ALK: variants seen among roughly 807,000 people sequenced by gnomAD.
The protein encoded by ALK is ALK tyrosine kinase receptor.
A neutral mutation model predicts 163.1 loss-of-function variants in ALK; 74 were observed. That is an observed-to-expected ratio of 0.45 (90% confidence interval 0.38 to 0.55). ALK has a LOEUF of 0.55. Ranked by LOEUF, ALK falls within the 20% of genes least tolerant of loss-of-function variation. The pLI, the probability that ALK is intolerant of heterozygous loss-of-function variation, is 0.00. For synonymous variants in ALK, 960 were observed against 843.2 expected (o/e 1.14, Z -2.40); for missense variants, 2,063 against 2,105.3 (o/e 0.98, Z 0.39).
chr2:29,457,375 G>A lies in ALK; in HGVS notation c.1155-73516C>T, dbSNP rs114198332. Among the ~76,000 whole-genome samples, 1,190 of 152,244 alleles carry A rather than the reference G, an allele frequency of 7.8e-3. 13 individuals carry two copies. Among genetic ancestry groups the A allele is most frequent in the African/African-American group, 0.027 (1,120 of 41,562 alleles). On this transcript the variant is annotated intron_variant, in intron 4 of 28. Coordinates refer to ENST00000389048, the MANE Select transcript of ALK (RefSeq NM_004304.5). The stretch of plus-strand genomic sequence containing the variant: ...GATGAGCCTCGGTTAGGAGTAGGGA[G>A]GGCTTCAGCTGCTGCTGGGAAATGG...
chr2:29,575,524 C>T (rs1357573267), intron 3 of ALK, among the ~76,000 whole-genome samples: 1 of 152,154 alleles, frequency 6.6e-6, no homozygotes, highest in African/African-American at 2.4e-5. Flanking sequence ...CAGAATAAAG[C>T]ACGAAGGCTC....
intron 3 of ALK, among the ~76,000 whole-genome samples, chr2:29,572,457 G>A (rs1674401946): frequency 6.6e-6 from 1 of 152,154 alleles, no homozygotes. Flanking sequence ...CTCAGTTCCT[G>A]AGCACGCCTG....
In ALK at chr2:29,193,917, C is replaced by G. The variant is rs753080753; in HGVS notation, c.4170G>C (p.Pro1390=). 1.9e-6 allele frequency: 3 copies of G among 1,613,982 alleles called. No homozygotes were observed. Among genetic ancestry groups the G allele is most frequent in the Non-Finnish European group, 2.5e-6 (3 of 1,180,012 alleles). The change falls in exon 29 of 29, where the codon CCG becomes CCC. Residue 1390 remains proline, a synonymous_variant. Transcript: ENST00000389048. ...LERIEYCTQD[P]DVINTALPIE... is the part of the protein sequence containing the mutation. ...TCGGCAAAGCGGTGTTGATTACATC[C>G]GGGTCCTGCCGTAGGGGAAATTATT...
chr2:29,347,270 A>C (rs1042200170), intron 5 of ALK, among the ~76,000 whole-genome samples: 19 of 152,134 alleles, frequency 1.2e-4, no homozygotes, highest in African/African-American at 4.6e-4. Context: ...CTGCCTGAGG[A>C]GAGAGATCCT....
At chr2:29,274,698 AC>A (rs1441852935) in intron 11 of ALK, among the ~76,000 whole-genome samples, 18 of 152,268 alleles carry the variant, frequency 1.2e-4, no homozygotes, top group African/African-American at 4.3e-4. Flanking sequence ...GGGGTAGCCT[AC>A]CTTTGTGCAA....
chr2:29,485,038 A>G (rs1671747542), intron 4 of ALK, among the ~76,000 whole-genome samples: 2 of 152,112 alleles, frequency 1.3e-5, no homozygotes, highest in African/African-American at 4.8e-5. Context: ...CCTGCTGCCT[A>G]GTTGGAGTGA....
intron 13 of ALK, among the ~76,000 whole-genome samples, chr2:29,235,896 CAG>C (rs927609852): frequency 2.3e-5 from 2 of 86,264 alleles, no homozygotes; most frequent in African/African-American, 8.3e-5. Context: ...TTTTAAGAAA[CAG>C]GGTCTTGCTA....
chr2:29,615,929 G>A (rs889593076), intron 3 of ALK, among the ~76,000 whole-genome samples: 5 of 152,238 alleles, frequency 3.3e-5, no homozygotes, highest in Non-Finnish European at 5.9e-5. Context: ...GAACCCTCAG[G>A]CCTTTCAGTA....
At chr2:29,637,196 G>A (rs929610097) in intron 3 of ALK, among the ~76,000 whole-genome samples, 7 of 152,004 alleles carry the variant, frequency 4.6e-5, no homozygotes, top group Non-Finnish European at 7.4e-5. Context: ...GTTCCTCCAT[G>A]GATGTATGAT....
intron 3 of ALK, among the ~76,000 whole-genome samples, chr2:29,533,949 A>G (rs1673183704): frequency 6.6e-6 from 1 of 152,172 alleles, no homozygotes; most frequent in African/African-American, 2.4e-5. Flanking sequence ...AGGGAGAGAA[A>G]AACAAAGATA....
chr2:29,511,035 T>A (rs1011309938), intron 4 of ALK, among the ~76,000 whole-genome samples: 2 of 152,296 alleles, frequency 1.3e-5, no homozygotes, highest in South Asian at 2.1e-4. Context: ...TGTCTGTACA[T>A]ACATGTATCA....
chr2:29,497,483 A>C (rs1280945439), intron 4 of ALK, among the ~76,000 whole-genome samples: 1 of 152,156 alleles, frequency 6.6e-6, no homozygotes, highest in Non-Finnish European at 1.5e-5. Context: ...TGAGTGCACC[A>C]GGGCTCCCAG....
At chr2:29,620,488 T>C (rs2148228665) in intron 3 of ALK, among the ~76,000 whole-genome samples, 1 of 146,998 alleles carries the variant, frequency 6.8e-6, no homozygotes, top group Non-Finnish European at 1.5e-5. Context: ...CTTTTCTCTT[T>C]TTTTTTGCGG....
At chr2:29,357,158 T>A (rs1247322965) in intron 5 of ALK, among the ~76,000 whole-genome samples, 1 of 152,202 alleles carries the variant, frequency 6.6e-6, no homozygotes, top group Admixed American at 6.5e-5. Context: ...AGCTACCACA[T>A]GGGTTATAGT....
Position 29,452,679 on chromosome 2 carries a change from G to A in ALK, c.1155-68820C>T, listed in dbSNP as rs534956068. ...TGGAGAAAACAGAAACTTTAGTACA[G>A]AAGAGAAAACCATCAGTTGCCACCT... On this transcript the variant is annotated intron_variant, in intron 4 of 28. Transcript: ENST00000389048. 1.2e-4 allele frequency among the ~76,000 whole-genome samples: 18 copies of A among 152,264 alleles called. No homozygotes were observed. In the South Asian group the frequency reaches 3.7e-3, roughly 32 times the overall value.
chr2:29,265,137 G>T (rs1665186013), intron 11 of ALK, among the ~76,000 whole-genome samples: 1 of 151,916 alleles, frequency 6.6e-6, no homozygotes, highest in African/African-American at 2.4e-5. Flanking sequence ...CTCGTGCCTT[G>T]GCCTCTCAAG....
In ALK at chr2:29,429,147, A is replaced by C. The variant is rs140923521; in HGVS notation, c.1155-45288T>G. On this transcript the variant is annotated intron_variant, in intron 4 of 28. Transcript: ENST00000389048. ...TACAAAAAATCCCACAGCTAACTTT[A>C]TACTTTAATTATTAAAGACTGAATG... Among the ~76,000 whole-genome samples the C allele has an allele frequency of 9.7e-3, 1,483 of 152,178 alleles. 18 individuals are homozygous for C. The highest frequency in any genetic ancestry group is 0.061 in the Middle Eastern group (18 of 294).
chr2:29,672,024 A>T (rs904059684), intron 3 of ALK, among the ~76,000 whole-genome samples: 5 of 150,434 alleles, frequency 3.3e-5, no homozygotes, highest in Non-Finnish European at 1.5e-5. Context: ...TGGCAATAAT[A>T]GTTTGGTATA....
At chr2:29,632,585 A>G (rs1229282619) in intron 3 of ALK, among the ~76,000 whole-genome samples, 1 of 152,224 alleles carries the variant, frequency 6.6e-6, no homozygotes, top group African/African-American at 2.4e-5. Flanking sequence ...ATTCCCCACC[A>G]TGTGAAGATG....
Sources: gnomAD v4.1 joint callset for allele counts (sites outside exome capture counted in the v4.1 genomes callset) on GRCh38, gnomAD v4.1.1 for gene constraint, MANE v1.5 for transcripts, NCBI Gene and HGNC (gene_info 2026-07-23, HGNC 2026-07-21) for gene names.